Variants in GRB14 observed in about 807,000 individuals in gnomAD.
GRB14 encodes growth factor receptor bound protein 14.
A neutral mutation model predicts 69.1 loss-of-function variants in GRB14; 38 were observed. That is an observed-to-expected ratio of 0.55 (90% CI 0.42 to 0.72). GRB14 has a LOEUF of 0.72. Among genes scored for constraint, GRB14 ranks in the 30% least tolerant of loss-of-function variants. The probability of loss-of-function intolerance (pLI) is 0.00; values close to 1 mark genes in which losing one functional copy is unlikely to be tolerated. For missense variants in GRB14, 666 were observed against 666.1 expected (o/e 1.00, Z 0.00); for synonymous variants, 247 against 241.3 (o/e 1.02, Z -0.22).
chr2:164,547,468 T>C (rs1688408785), intron 3 of GRB14, among the ~76,000 whole-genome samples, 192 bp downstream of exon 3: 1 of 151,870 alleles, frequency 6.6e-6, no homozygotes, highest in Non-Finnish European at 1.5e-5. Context: ...GAGGAAAACA[T>C]CAATGAGTTG....
In GRB14 at chr2:164,560,031, C is replaced by T. The variant is rs183078356; in HGVS notation, c.325-12215G>A. Among the ~76,000 whole-genome samples the T allele has an allele frequency of 4.6e-5, 7 of 152,178 alleles. No homozygotes were observed. The East Asian group carries it at 1.4e-3, about 29-fold the overall frequency. On this transcript the variant is annotated intron_variant, in intron 2 of 13. Coordinates refer to ENST00000263915, the MANE Select transcript of GRB14 (RefSeq NM_004490.3). ...TTCCTGGAGAACATCCACTGAAATC[C>T]TCCCATTTCACAAATGAAAAAGCTG...
At chr2:164,612,684 C>CT (rs1224070413) in intron 2 of GRB14, among the ~76,000 whole-genome samples, 2 of 152,122 alleles carry the variant, frequency 1.3e-5, no homozygotes, top group African/African-American at 2.4e-5. Flanking sequence ...CTGCAGAAAT[C>CT]TTTTTTATAT....
intron 3 of GRB14, among the ~76,000 whole-genome samples, chr2:164,542,195 T>C (rs1039370725): frequency 3.9e-5 from 6 of 152,150 alleles, no homozygotes; most frequent in African/African-American, 7.2e-5. Context: ...CCCTATTCAA[T>C]AAATGGTATT....
intron 2 of GRB14, among the ~76,000 whole-genome samples, chr2:164,614,968 T>A (rs1172885970): frequency 6.6e-6 from 1 of 152,182 alleles, no homozygotes; most frequent in Non-Finnish European, 1.5e-5. Flanking sequence ...GGAAAACTAA[T>A]TTTTTAATTA....
chr2:164,536,027 C>T (rs1381849897), intron 3 of GRB14, among the ~76,000 whole-genome samples: 3 of 152,144 alleles, frequency 2.0e-5, no homozygotes, highest in Non-Finnish European at 4.4e-5. Context: ...TCCATTAATT[C>T]GAAGGTTCTC....
chr2:164,597,016 T>C (rs1558876633), intron 2 of GRB14, among the ~76,000 whole-genome samples: 1 of 152,188 alleles, frequency 6.6e-6, no homozygotes, highest in Non-Finnish European at 1.5e-5. Context: ...ATGTCAGATA[T>C]CCTATTTATG....
chr2:164,513,363 A>T (rs1687389654), intron 6 of GRB14, among the ~76,000 whole-genome samples: 1 of 152,206 alleles, frequency 6.6e-6, no homozygotes, highest in African/African-American at 2.4e-5. Flanking sequence ...TTAATTCAGA[A>T]AAAGGGTCAC....
At chr2:164,500,766 TC>T (rs1261731859) in intron 9 of GRB14, among the ~76,000 whole-genome samples, 1 of 152,106 alleles carries the variant, frequency 6.6e-6, no homozygotes, top group Admixed American at 6.6e-5. Flanking sequence ...GAGTATCTCT[TC>T]CTTTACCTGG....
intron 2 of GRB14, among the ~76,000 whole-genome samples, chr2:164,606,585 T>G (rs533837773): frequency 1.3e-5 from 2 of 152,300 alleles, no homozygotes; most frequent in Admixed American, 1.3e-4. Flanking sequence ...GGCATGGTTT[T>G]GTAAAGGGCC....
chr2:164,612,530 G>C (rs974967654), intron 2 of GRB14, among the ~76,000 whole-genome samples: 2 of 152,150 alleles, frequency 1.3e-5, no homozygotes, highest in African/African-American at 4.8e-5. Context: ...GGTCTCCCTT[G>C]AGCTGACCTT....
intron 2 of GRB14, among the ~76,000 whole-genome samples, chr2:164,597,258 G>A (rs916811059): frequency 6.6e-6 from 1 of 152,178 alleles, no homozygotes; most frequent in African/African-American, 2.4e-5. Flanking sequence ...CAGGCAATGT[G>A]CAAGGATTTA....
intron 2 of GRB14, among the ~76,000 whole-genome samples, chr2:164,614,986 T>C (rs1451856256): frequency 6.6e-6 from 1 of 152,204 alleles, no homozygotes; most frequent in Non-Finnish European, 1.5e-5. Context: ...TTATTTGAGA[T>C]AAATTTTTAT....
At chr2:164,598,125 T>TA (rs1368379628) in intron 2 of GRB14, among the ~76,000 whole-genome samples, 7 of 152,100 alleles carry the variant, frequency 4.6e-5, no homozygotes, top group Non-Finnish European at 1.5e-5. Context: ...GAGAGCAAGA[T>TA]ATACGGTGCT....
intron 3 of GRB14, among the ~76,000 whole-genome samples, chr2:164,534,876 T>C (rs915238014): frequency 1.3e-5 from 2 of 152,198 alleles, no homozygotes; most frequent in African/African-American, 4.8e-5. Context: ...AAAATTATTA[T>C]TTTAGACTTT....
chr2:164,549,863 AAAAATAAAATAAAATAAAAT>A (rs10557491), intron 2 of GRB14, among the ~76,000 whole-genome samples: 7,251 of 110,012 alleles, frequency 0.066, 458 homozygotes, highest in African/African-American at 0.16. Flanking sequence ...GACTCCATCT[AAAAATAAAATAAAATAAAAT>A]AAAATAAAAT....
chr2:164,549,961 C>T lies in GRB14; in HGVS notation c.325-2145G>A, dbSNP rs148073132. Among the ~76,000 whole-genome samples, 615 of 148,772 alleles carry T rather than the reference C, an allele frequency of 4.1e-3. 5 individuals carry two copies. The highest frequency in any genetic ancestry group is 0.012 in the African/African-American group (501 of 40,544). On this transcript the variant is annotated intron_variant, in intron 2 of 13. Transcript: ENST00000263915. ...AATTTCATATTCTATATTTAAATTC[C>T]GTAAATAACCCTAGTAACATGGGTG...
At chr2:164,602,047 T>C (rs1689925252) in intron 2 of GRB14, among the ~76,000 whole-genome samples, 1 of 151,912 alleles carries the variant, frequency 6.6e-6, no homozygotes, top group African/African-American at 2.4e-5. Flanking sequence ...TTTGGAATTC[T>C]ACTCTGCAAT....
rs184687848 is a variant in GRB14 at position 164,549,026 on chromosome 2, C to A, written c.325-1210G>T. On this transcript the variant is annotated intron_variant, in intron 2 of 13. Coordinates refer to ENST00000263915, the MANE Select transcript of GRB14 (RefSeq NM_004490.3). The stretch of plus-strand genomic sequence containing the variant: ...CTGAGTAGCTGGGATTACAGGCATG[C>A]GCCACCACACCCAGCTAATTTTGTA... Among the ~76,000 whole-genome samples the A allele has an allele frequency of 6.0e-3, 906 of 151,330 alleles. 36 individuals carry two copies. The highest frequency in any genetic ancestry group is 0.055 in the Admixed American group (825 of 15,110).
intron 2 of GRB14, among the ~76,000 whole-genome samples, chr2:164,566,650 A>G (rs1472088210): frequency 1.3e-5 from 2 of 152,122 alleles, no homozygotes; most frequent in Non-Finnish European, 2.9e-5. Context: ...TTTTCCCATA[A>G]CCAATTTCCC....
Sources: gnomAD v4.1 joint callset for allele counts (sites outside exome capture counted in the v4.1 genomes callset) on GRCh38, gnomAD v4.1.1 for gene constraint, MANE v1.5 for transcripts, NCBI Gene and HGNC (gene_info 2026-07-23, HGNC 2026-07-21) for gene names.